Variants in PXMP2 observed in about 807,000 individuals in gnomAD.
The protein encoded by PXMP2 is peroxisomal membrane protein 2.
A neutral mutation model predicts 20.2 loss-of-function variants in PXMP2; 13 were observed. The observed-to-expected ratio is 0.64, with a 90% CI of 0.42 to 1.02. PXMP2 has a LOEUF of 1.02. Among genes scored for constraint, PXMP2 ranks in the 50% least tolerant of loss-of-function variants. The probability of loss-of-function intolerance (pLI) is 0.00; values close to 1 mark genes in which losing one functional copy is unlikely to be tolerated. For missense variants in PXMP2, 284 were observed against 251.8 expected (o/e 1.13, Z -0.87); for synonymous variants, 113 against 111.2 (o/e 1.02, Z -0.10).
chr12:132,697,501 G>A (rs567356296), intron 3 of PXMP2, among the ~76,000 whole-genome samples: 28 of 151,718 alleles, frequency 1.8e-4, no homozygotes, highest in African/African-American at 6.0e-4. Context: ...TCTGCCTCCC[G>A]GGTTCAAACG....
chr12:132,700,238 A>G (rs547398627), intron 3 of PXMP2, among the ~76,000 whole-genome samples: 32 of 151,578 alleles, frequency 2.1e-4, no homozygotes, highest in African/African-American at 7.7e-4. Flanking sequence ...TGGTAGAGAC[A>G]GGGTTTTCCC....
chr12:132,698,769 G>A (rs2043423435), intron 3 of PXMP2, among the ~76,000 whole-genome samples: 1 of 152,072 alleles, frequency 6.6e-6, no homozygotes, highest in Admixed American at 6.6e-5. Flanking sequence ...TGGGACAACA[G>A]GCGCCCACCA....
chr12:132,704,613 C>T lies in PXMP2; in HGVS notation c.520-6C>T, dbSNP rs752469560. ...CCGTGGCCTGTTGGACTGTTCTTTTCGGCAGTTCCGGGTGCTCTTCGCCAA... is the reference window on the plus strand; with the variant it reads ...CCGTGGCCTGTTGGACTGTTCTTTTTGGCAGTTCCGGGTGCTCTTCGCCAA... On this transcript the variant is annotated splice_region_variant and splice_polypyrimidine_tract_variant and intron_variant, in intron 4 of 4. Coordinates refer to ENST00000317479, the MANE Select transcript of PXMP2 (RefSeq NM_018663.3). The T allele has an allele frequency of 1.3e-5, 19 of 1,436,352 alleles. No individual in the cohort carries two copies. The highest frequency in any genetic ancestry group is 7.9e-5 in the East Asian group (3 of 38,046). 89.0% of individuals were successfully genotyped at this position (1,436,352 alleles called of 1,614,324 possible).
intron 4 of PXMP2, among the ~76,000 whole-genome samples, chr12:132,704,258 G>C (rs1226133262): frequency 2.6e-5 from 4 of 152,142 alleles, no homozygotes; most frequent in Non-Finnish European, 5.9e-5. Flanking sequence ...TTCGTCAGCT[G>C]TGTCCCCTGA....
chr12:132,690,647 G>A (rs761374068), intron 2 of PXMP2, among the ~76,000 whole-genome samples: 2 of 152,018 alleles, frequency 1.3e-5, no homozygotes, highest in Admixed American at 6.6e-5. Flanking sequence ...TCTGGTTCAA[G>A]TGATTCTCCT....
intron 2 of PXMP2, among the ~76,000 whole-genome samples, chr12:132,691,091 G>A (rs968410777): frequency 2.1e-5 from 3 of 141,748 alleles, no homozygotes; most frequent in African/African-American, 5.3e-5. Context: ...TCACTCTGCT[G>A]CCCAGACTGG....
At chr12:132,702,195 G>A (rs1329109803) in intron 4 of PXMP2, among the ~76,000 whole-genome samples, 4 of 152,254 alleles carry the variant, frequency 2.6e-5, no homozygotes, top group African/African-American at 4.8e-5. Flanking sequence ...GGGTCCTGCC[G>A]CTGGCCTGGA....
intron 4 of PXMP2, among the ~76,000 whole-genome samples, chr12:132,702,774 AG>A (rs1308795374): frequency 6.6e-6 from 1 of 152,218 alleles, no homozygotes; most frequent in Non-Finnish European, 1.5e-5. Flanking sequence ...ACAGGCCTGC[AG>A]TGGCTGGACC....
intron 3 of PXMP2, among the ~76,000 whole-genome samples, chr12:132,697,875 A>G (rs2043418804): frequency 1.3e-5 from 2 of 152,160 alleles, no homozygotes; most frequent in African/African-American, 4.8e-5. Context: ...AATCCAACGC[A>G]TGGGAGGCGT....
intron 4 of PXMP2, among the ~76,000 whole-genome samples, chr12:132,704,398 T>C (rs1433228859): frequency 1.3e-5 from 2 of 152,128 alleles, no homozygotes; most frequent in Non-Finnish European, 2.9e-5. Context: ...CTGTAGCCTG[T>C]GAACACTGTA....
At chr12:132,693,653 G>A (rs1297269878) in intron 2 of PXMP2, among the ~76,000 whole-genome samples, 11 of 105,408 alleles carry the variant, frequency 1.0e-4, no homozygotes, top group African/African-American at 2.6e-4. Context: ...GTTAGTGAGC[G>A]CCCTTGCCAG....
chr12:132,702,521 C>T (rs117965866), intron 4 of PXMP2: 8,495 of 384,564 alleles, frequency 0.022, 140 homozygotes, highest in Non-Finnish European at 0.027. Flanking sequence ...CAGGAGGAGG[C>T]CTGGCAGAGC....
chr12:132,693,022 T>A (rs1221617551), intron 2 of PXMP2, among the ~76,000 whole-genome samples: 5 of 63,810 alleles, frequency 7.8e-5, no homozygotes, highest in Non-Finnish European at 1.9e-4. Context: ...GCCAGTTAGT[T>A]AAGTGAGCGC....
At chr12:132,700,450 A>C in intron 3 of PXMP2, among the ~76,000 whole-genome samples, 1 of 144,262 alleles carries the variant, frequency 6.9e-6, no homozygotes, top group Non-Finnish European at 1.5e-5. Context: ...ACATTTTTTC[A>C]TATGTTTCTT....
chr12:132,692,224 TA>T (rs1301735938), intron 2 of PXMP2, among the ~76,000 whole-genome samples: 33 of 119,312 alleles, frequency 2.8e-4, no homozygotes, highest in South Asian at 5.6e-4. Flanking sequence ...TGAGCGCCCT[TA>T]GCCAGTTAGT....
In PXMP2 at chr12:132,696,074, A is replaced by G. The variant is rs751124721; in HGVS notation, c.399+28A>G. On this transcript the variant is annotated intron_variant, in intron 3 of 4. Coordinates refer to ENST00000317479, the MANE Select transcript of PXMP2 (RefSeq NM_018663.3). This position sits in a 1 kb window ranked among gnomAD's most constrained non-coding sequence, Gnocchi z 4.4. Reference sequence around the variant, plus strand: ...GGGTGTCTGCCACAGCACTTACTGCAGCTCTTCGTTTAGCACAGGGATTCT... The same window carrying G: ...GGGTGTCTGCCACAGCACTTACTGCGGCTCTTCGTTTAGCACAGGGATTCT... 14 of 1,570,742 alleles carry G rather than the reference A, an allele frequency of 8.9e-6. No homozygotes were observed. The highest frequency in any genetic ancestry group is 1.2e-5 in the Non-Finnish European group (14 of 1,152,216).
At chr12:132,698,772 G>T (rs879445335) in intron 3 of PXMP2, among the ~76,000 whole-genome samples, 5 of 151,886 alleles carry the variant, frequency 3.3e-5, no homozygotes, top group African/African-American at 4.8e-5. Flanking sequence ...GACAACAGGC[G>T]CCCACCACCA....
At chr12:132,690,935 C>G (rs574349624) in intron 2 of PXMP2, among the ~76,000 whole-genome samples, 11 of 152,214 alleles carry the variant, frequency 7.2e-5, no homozygotes, top group Admixed American at 2.0e-4. Context: ...ACAAGTAACT[C>G]AACTTAACCT....
chr12:132,690,879 T>C (rs554161718), intron 2 of PXMP2, among the ~76,000 whole-genome samples: 181 of 151,812 alleles, frequency 1.2e-3, no homozygotes, highest in African/African-American at 4.2e-3. Flanking sequence ...TTTAATTGGA[T>C]GGGTAGGGGT....
Sources: allele counts gnomAD v4.1 joint callset (sites outside exome capture counted in the v4.1 genomes callset), GRCh38; gene constraint gnomAD v4.1.1; non-coding constraint Gnocchi (gnomAD v3.1); transcripts MANE v1.5; gene names NCBI Gene and HGNC (gene_info 2026-07-23, HGNC 2026-07-21).